Variants in TBC1D4 observed in about 807,000 individuals in gnomAD.
The protein encoded by TBC1D4 is TBC (Tre-2, BUB2, CDC16) domain-containing protein.
Under a neutral mutation model 142.5 loss-of-function variants are expected in TBC1D4, and 121 were observed. That is an observed-to-expected ratio of 0.85 (90% CI 0.73 to 0.99). The LOEUF is 0.99. Ranked by LOEUF, TBC1D4 falls within the 50% of genes least tolerant of loss-of-function variation. The pLI, the probability that TBC1D4 is intolerant of heterozygous loss-of-function variation, is 0.00. For synonymous variants in TBC1D4, 630 were observed against 628.2 expected, an observed-to-expected ratio of 1.00 and a Z score of -0.04; for missense variants, 1,475 against 1,606.6, an observed-to-expected ratio of 0.92 and a Z score of 1.40.
intron 1 of TBC1D4, among the ~76,000 whole-genome samples, chr13:75,450,638 A>G (rs1399320773): frequency 2.0e-5 from 3 of 152,236 alleles, no homozygotes; most frequent in Non-Finnish European, 4.4e-5. Flanking sequence ...TAAGCCCACC[A>G]GAACCTAAGT....
At chr13:75,336,889 G>A in intron 8 of TBC1D4, 32 bp downstream of exon 8, 5 of 1,612,834 alleles carry the variant, frequency 3.1e-6, no homozygotes, top group Non-Finnish European at 4.2e-6. Flanking sequence ...ACACAGATAT[G>A]CATACTTGAA....
intron 9 of TBC1D4, 128 bp from the exon 10 acceptor site, chr13:75,326,551 C>T (rs1461823288): frequency 2.1e-6 from 2 of 944,788 alleles, no homozygotes; most frequent in South Asian, 1.4e-5. Flanking sequence ...TGTTTTTCCT[C>T]CCCCTTTTAC....
chr13:75,364,472 T>C (rs1417370406), intron 1 of TBC1D4, among the ~76,000 whole-genome samples: 1 of 152,258 alleles, frequency 6.6e-6, no homozygotes, highest in Non-Finnish European at 1.5e-5. Flanking sequence ...CCACATGCTA[T>C]AGCTTCAGTG....
At position 75,286,754 on chromosome 13, in the gene TBC1D4, T is replaced by C. The variant is rs558520102; in HGVS notation, c.*38A>G. 3 of 1,595,494 alleles carry C rather than the reference T, an allele frequency of 1.9e-6. No homozygotes were observed. The South Asian group carries it at 3.3e-5, about 18-fold the overall frequency. On this transcript the variant is annotated 3_prime_UTR_variant, in exon 21 of 21. Transcript: ENST00000377636. ...TGCAGGCTCTTCCTCTCTGTAGTAT[T>C]CTAAGGAGCACTTTCTGCTGAGGCC...
At chr13:75,440,996 C>T (rs551321476) in intron 1 of TBC1D4, among the ~76,000 whole-genome samples, 9 of 152,222 alleles carry the variant, frequency 5.9e-5, no homozygotes, top group African/African-American at 2.2e-4. Flanking sequence ...GGTGCTCACG[C>T]CTGTAATTCC....
At chr13:75,324,008 A>C (rs1879002299) in intron 11 of TBC1D4, among the ~76,000 whole-genome samples, 1 of 152,230 alleles carries the variant, frequency 6.6e-6, no homozygotes, top group African/African-American at 2.4e-5. Context: ...TACAAAAAGC[A>C]TAATTCAAAA....
intron 3 of TBC1D4, among the ~76,000 whole-genome samples, chr13:75,356,643 T>C (rs1882075052): frequency 6.6e-6 from 1 of 152,196 alleles, no homozygotes; most frequent in African/African-American, 2.4e-5. Context: ...GCTAAGAATC[T>C]GAGAAAAACT....
At chr13:75,364,105 G>A (rs980683758) in intron 1 of TBC1D4, among the ~76,000 whole-genome samples, 2 of 152,160 alleles carry the variant, frequency 1.3e-5, no homozygotes, top group African/African-American at 4.8e-5. Context: ...GCATGGTGGG[G>A]GCGGTGCAGT....
At chr13:75,470,022 C>G (rs1888334192) in intron 1 of TBC1D4, among the ~76,000 whole-genome samples, 1 of 152,138 alleles carries the variant, frequency 6.6e-6, no homozygotes. Flanking sequence ...TCAGAAAGGA[C>G]ATGGGGTTTG....
intron 4 of TBC1D4, among the ~76,000 whole-genome samples, chr13:75,352,886 A>C (rs3783030): frequency 0.036 from 5,410 of 152,314 alleles, 218 homozygotes; most frequent in East Asian, 0.12. Context: ...TAGACTGATA[A>C]TATTTAATTG....
chr13:75,410,719 G>A (rs1400710680), intron 1 of TBC1D4, among the ~76,000 whole-genome samples: 3 of 151,708 alleles, frequency 2.0e-5, no homozygotes, highest in African/African-American at 4.8e-5. Context: ...GGCGGATCAC[G>A]AGGTCAGGAG....
At chr13:75,372,894 A>T (rs1396027191) in intron 1 of TBC1D4, among the ~76,000 whole-genome samples, 1 of 152,236 alleles carries the variant, frequency 6.6e-6, no homozygotes, top group Non-Finnish European at 1.5e-5. Flanking sequence ...AATTTGCTAG[A>T]GAGTTTAAAG....
chr13:75,301,056 G>A (rs1444469967), intron 16 of TBC1D4, among the ~76,000 whole-genome samples: 1 of 152,068 alleles, frequency 6.6e-6, no homozygotes, highest in Admixed American at 6.5e-5. Context: ...AAGGAACAGA[G>A]GTAAAAACTA....
At position 75,362,120 on chromosome 13, in the gene TBC1D4, C is replaced by T. The variant is rs1882574411; in HGVS notation, c.986G>A (p.Gly329Asp). 2 of 1,613,900 alleles carry T rather than the reference C, an allele frequency of 1.2e-6. No individual in the cohort carries two copies. Among genetic ancestry groups the T allele is most frequent in the East Asian group, 2.2e-5 (1 of 44,846 alleles). ...CCGTCGCGGCTGGGATTTCTGGCTG[C>T]CCTCGTGAACTCTCCGTTGCACGCC... The part of the protein sequence containing the change: ...VTGVQRRVHE[G>D]SQKSQPRRRH... Residue 329 changes from glycine (G) to aspartate (D), a missense_variant, in exon 2 of 21, where the codon GGC becomes GAC. By Grantham distance (94) the Gly-to-Asp change is moderately conservative (BLOSUM62 -1). Around this residue, in one of 2 missense-constraint regions of TBC1D4, gnomAD observed 1,227 missense variants for 1,267.7 expected, o/e 0.97. Coordinates refer to ENST00000377636, the MANE Select transcript of TBC1D4 (RefSeq NM_014832.5). The surrounding 1 kb of genome is among the most constrained non-coding windows in gnomAD (Gnocchi z 4.2).
chr13:75,447,593 A>G (rs1887344391), intron 1 of TBC1D4, among the ~76,000 whole-genome samples: 1 of 151,716 alleles, frequency 6.6e-6, no homozygotes, highest in African/African-American at 2.4e-5. Context: ...CGTATACTTT[A>G]TATACACACA....
chr13:75,457,281 ACCTTAGGGCCAGGGT>A (rs779376377), intron 1 of TBC1D4, among the ~76,000 whole-genome samples: 49 of 152,214 alleles, frequency 3.2e-4, no homozygotes, highest in Non-Finnish European at 5.9e-4. Context: ...ATACTGACAG[ACCTTAGGGCCAGGGT>A]CCTCTATTGA....
rs1874641234 is a variant in TBC1D4, at chr13:75,286,140, C to T, written c.*652G>A. The stretch of plus-strand genomic sequence containing the variant: ...ATGTTTAAAGTAATGCCTAACCAGA[C>T]TCATAATGCATGTAGATGCAACATG... On this transcript the variant is annotated 3_prime_UTR_variant, in exon 21 of 21. Coordinates refer to ENST00000377636, the MANE Select transcript of TBC1D4 (RefSeq NM_014832.5). 6.5e-6 allele frequency: 1 copy of T among 153,034 alleles called. No homozygotes were observed. The highest frequency in any genetic ancestry group is 1.5e-5 in the Non-Finnish European group (1 of 68,410). The allele number at this position is 153,034 out of a possible 1,614,324, so 9.5% of individuals were successfully genotyped here.
chr13:75,366,862 G>T, intron 1 of TBC1D4: 1 of 830,936 alleles, frequency 1.2e-6, no homozygotes, highest in Non-Finnish European at 1.4e-6. Flanking sequence ...TCAAAGACCT[G>T]AACAAACACA....
At chr13:75,448,978 T>C (rs1887413508) in intron 1 of TBC1D4, among the ~76,000 whole-genome samples, 2 of 152,036 alleles carry the variant, frequency 1.3e-5, no homozygotes. Context: ...GTGACACTCA[T>C]AGCAGTTTTT....
Sources: allele counts gnomAD v4.1 joint callset (sites outside exome capture counted in the v4.1 genomes callset), GRCh38; gene constraint gnomAD v4.1.1; regional missense constraint gnomAD v4.1.1; non-coding constraint Gnocchi (gnomAD v3.1); transcripts MANE v1.5; gene names NCBI Gene and HGNC (gene_info 2026-07-23, HGNC 2026-07-21).